Variants in ADGRL3 observed in about 807,000 individuals in gnomAD.
ADGRL3 encodes calcium-independent alpha-latrotoxin receptor 3.
Under a neutral mutation model 153.5 loss-of-function variants are expected in ADGRL3, and 62 were observed. The observed-to-expected ratio is 0.40, with a 90% confidence interval of 0.33 to 0.50. The LOEUF is 0.50. Among genes scored for constraint, ADGRL3 ranks in the 20% least tolerant of loss-of-function variants. The pLI, the probability that ADGRL3 is intolerant of heterozygous loss-of-function variation, is 0.47. For synonymous variants in ADGRL3, 710 were observed against 672.5 expected (o/e 1.06, Z -0.86); for missense variants, 1,641 against 1,859.4 (o/e 0.88, Z 2.16).
intron 1 of ADGRL3, among the ~76,000 whole-genome samples, chr4:61,267,576 C>T (rs996978415): frequency 6.6e-6 from 1 of 151,744 alleles, no homozygotes; most frequent in African/African-American, 2.4e-5. Context: ...ATAGAATGAA[C>T]ATTTACTGTG....
At chr4:61,843,616 G>T (rs577241020) in intron 9 of ADGRL3, among the ~76,000 whole-genome samples, 4 of 151,914 alleles carry the variant, frequency 2.6e-5, no homozygotes, top group African/African-American at 4.8e-5. Flanking sequence ...TTTTTTCCTC[G>T]AAAGAGAAAA....
chr4:61,429,574 G>A (rs185088225), intron 2 of ADGRL3, among the ~76,000 whole-genome samples: 9 of 152,198 alleles, frequency 5.9e-5, no homozygotes, highest in Admixed American at 5.2e-4. Flanking sequence ...TGATTATAGA[G>A]TTTTATCAGT....
chr4:61,924,844 A>G (rs2098787678), intron 13 of ADGRL3, among the ~76,000 whole-genome samples: 3 of 151,976 alleles, frequency 2.0e-5, no homozygotes, highest in Admixed American at 2.0e-4. Flanking sequence ...CTGATTCTAA[A>G]TCCTCCATCC....
Position 61,510,811 on chromosome 4 carries a change from T to A in ADGRL3, c.56-6504T>A, listed in dbSNP as rs182677753. ...ATTTTGTAAAAACTGACATTGATAG[T>A]TTGGTAGGAATAGCATTCAATTTGT... On this transcript the variant is annotated intron_variant, in intron 3 of 26. Transcript: ENST00000683033. Among the ~76,000 whole-genome samples the A allele has an allele frequency of 1.8e-4, 28 of 152,244 alleles. No homozygotes were observed. In the East Asian group the frequency reaches 5.2e-3, roughly 28 times the overall value.
chr4:62,067,774 C>G (rs961090899), intron 25 of ADGRL3, among the ~76,000 whole-genome samples: 7 of 151,948 alleles, frequency 4.6e-5, no homozygotes, highest in Non-Finnish European at 8.8e-5. Flanking sequence ...TTCCTTGAAG[C>G]ACGTATACTC....
At chr4:61,390,446 A>C (rs2096789499) in intron 2 of ADGRL3, among the ~76,000 whole-genome samples, 2 of 152,170 alleles carry the variant, frequency 1.3e-5, no homozygotes, top group Admixed American at 6.5e-5. Context: ...CTGAGCTATA[A>C]ATATTTATAG....
chr4:61,356,468 G>A (rs1004548009), intron 1 of ADGRL3, among the ~76,000 whole-genome samples: 1 of 151,954 alleles, frequency 6.6e-6, no homozygotes, highest in South Asian at 2.1e-4. Context: ...AAAAAAATTA[G>A]TTATCTAATG....
intron 17 of ADGRL3, among the ~76,000 whole-genome samples, chr4:61,960,122 A>C (rs1011000532): frequency 6.6e-6 from 1 of 152,242 alleles, no homozygotes; most frequent in Admixed American, 6.5e-5. Flanking sequence ...CTAACCTTTT[A>C]GAACCAAGAA....
At chr4:61,678,011 T>C (rs1309836011) in intron 6 of ADGRL3, among the ~76,000 whole-genome samples, 2 of 151,996 alleles carry the variant, frequency 1.3e-5, no homozygotes, top group African/African-American at 4.8e-5. Flanking sequence ...TCTTGTGAAG[T>C]TTTATAAGCT....
chr4:61,561,724 C>A (rs974369016), intron 4 of ADGRL3, among the ~76,000 whole-genome samples: 5 of 152,124 alleles, frequency 3.3e-5, no homozygotes, highest in African/African-American at 1.2e-4. Context: ...TAATTTATAA[C>A]CTATAAATCT....
chr4:61,679,796 C>A (rs982311212), intron 6 of ADGRL3, among the ~76,000 whole-genome samples: 1 of 151,884 alleles, frequency 6.6e-6, no homozygotes. Context: ...TCTTAAGAAC[C>A]TAGCTGTATT....
At chr4:61,936,959 C>A (rs1029690918) in intron 15 of ADGRL3, among the ~76,000 whole-genome samples, 5 of 151,966 alleles carry the variant, frequency 3.3e-5, no homozygotes, top group Non-Finnish European at 5.9e-5. Flanking sequence ...TCAAGAAAAA[C>A]AACTTACATT....
intron 18 of ADGRL3, among the ~76,000 whole-genome samples, chr4:61,981,619 T>G (rs2150842214): frequency 6.6e-6 from 1 of 152,268 alleles, no homozygotes; most frequent in South Asian, 2.1e-4. Context: ...TCTTCATATA[T>G]TACACAAACT....
chr4:61,688,599 C>G (rs1334888340), intron 6 of ADGRL3, among the ~76,000 whole-genome samples: 1 of 152,158 alleles, frequency 6.6e-6, no homozygotes. Flanking sequence ...ACACCTATTG[C>G]ATGCCACTCA....
rs530745590 is a variant in ADGRL3, at chr4:61,646,884, C to T, written c.474-29942C>T. On this transcript the variant is annotated intron_variant, in intron 5 of 26. Coordinates refer to ENST00000683033, the MANE Select transcript of ADGRL3 (RefSeq NM_001387552.1). ...GGCGCCCCTCCCCCAGCCTGGCTGC[C>T]GAATTGCAGTTTGATCTTAGACTGC... Among the ~76,000 whole-genome samples the T allele has an allele frequency of 5.6e-4, 85 of 152,286 alleles. No homozygotes were observed. In the South Asian group the frequency reaches 1.0e-2, roughly 18 times the overall value.
At chr4:61,316,601 A>G (rs762224836) in intron 1 of ADGRL3, among the ~76,000 whole-genome samples, 1 of 152,254 alleles carries the variant, frequency 6.6e-6, no homozygotes, top group South Asian at 2.1e-4. Context: ...TGCATGGGTA[A>G]TGGACTGCTG....
chr4:61,443,741 A>T (rs1429482602), intron 2 of ADGRL3, among the ~76,000 whole-genome samples: 1 of 152,204 alleles, frequency 6.6e-6, no homozygotes, highest in African/African-American at 2.4e-5. Flanking sequence ...GTTCAAGGAA[A>T]AAAAGCAGGA....
intron 2 of ADGRL3, among the ~76,000 whole-genome samples, chr4:61,436,416 C>T (rs1370791586): frequency 6.6e-6 from 1 of 152,068 alleles, no homozygotes; most frequent in African/African-American, 2.4e-5. Context: ...GGATTTATAC[C>T]AGCTGGTAAT....
chr4:61,554,582 T>G (rs1266120581), intron 4 of ADGRL3, among the ~76,000 whole-genome samples: 2 of 152,154 alleles, frequency 1.3e-5, no homozygotes, highest in Admixed American at 6.6e-5. Flanking sequence ...GTGCACTGTG[T>G]GCATGTGTAT....
Sources: gnomAD v4.1 joint callset for allele counts (sites outside exome capture counted in the v4.1 genomes callset) on GRCh38, gnomAD v4.1.1 for gene constraint, MANE v1.5 for transcripts, NCBI Gene and HGNC (gene_info 2026-07-23, HGNC 2026-07-21) for gene names.